The following ZNF765 variants were observed in gnomAD, a reference collection of about 807,000 sequenced individuals.
ZNF765 encodes zinc finger protein 765.
Under a neutral mutation model 44.7 loss-of-function variants are expected in ZNF765, and 37 were observed. The ratio of observed to expected loss-of-function variants is 0.83; its 90% confidence interval spans 0.64 to 1.09. ZNF765 has a LOEUF of 1.09. ZNF765 is among the 50% of genes least tolerant of loss of function. The pLI, the probability that ZNF765 is intolerant of heterozygous loss-of-function variation, is 0.00. For synonymous variants in ZNF765, 201 were observed against 213.7 expected (o/e 0.94, Z 0.52); for missense variants, 594 against 626.1 (o/e 0.95, Z 0.55).
downstream of ZNF765, among the ~76,000 whole-genome samples, chr19:53,415,797 G>C (rs888801392): frequency 1.3e-5 from 2 of 151,890 alleles, no homozygotes; most frequent in Admixed American, 1.3e-4. Context: ...TCTTTCTCCT[G>C]GTCCCCATAT....
rs368104876 is a variant in ZNF765, at chr19:53,396,659, C to T, written c.-73-1284C>T. 2.0e-5 allele frequency among the ~76,000 whole-genome samples: 3 copies of T among 152,114 alleles called. No homozygotes were observed. In the South Asian group the frequency reaches 6.2e-4, roughly 31 times the overall value. On this transcript the variant is annotated intron_variant, in intron 1 of 3. Coordinates refer to ENST00000396408, the MANE Select transcript of ZNF765 (RefSeq NM_001040185.3). ...CCTTTGGCTTCAGCTGCACAAAAAG[C>T]GTTATCTTATAACTGTCCTTGAAGT...
In ZNF765 at chr19:53,408,482, T is replaced by C. The variant is rs1192209578; in HGVS notation, c.927T>C (p.His309=). The C allele has an allele frequency of 6.2e-7, 1 of 1,613,852 alleles. No individual in the cohort carries two copies. Among genetic ancestry groups the C allele is most frequent in the Admixed American group, 1.7e-5 (1 of 59,996 alleles). Reference sequence around the variant, plus strand: ...GTGAAGAATGTGACAAAGCTTTCCATTTCAAATCAAAGCTTCAAATACATA... The same window carrying C: ...GTGAAGAATGTGACAAAGCTTTCCACTTCAAATCAAAGCTTCAAATACATA... ...YKCEECDKAF[H]FKSKLQIHRR... is the part of the protein sequence containing the mutation. The change falls in exon 4 of 4, where the codon CAT becomes CAC. Residue 309 remains histidine (H), a synonymous_variant. Coordinates refer to ENST00000396408, the MANE Select transcript of ZNF765 (RefSeq NM_001040185.3).
Position 53,402,194 on chromosome 19 carries a change from G to A in ZNF765, c.142+3G>A. On this transcript the variant is annotated splice_donor_region_variant and intron_variant, in intron 3 of 3. Coordinates refer to ENST00000396408, the MANE Select transcript of ZNF765 (RefSeq NM_001040185.3). ...TTATAGGAACCTGGTCTCCCTGGGT[G>A]AGGATGACTTCCCTCCTGGGGATGT... The A allele has an allele frequency of 1.2e-6, 2 of 1,612,970 alleles. No homozygotes were observed. The highest frequency in any genetic ancestry group is 1.7e-6 in the Non-Finnish European group (2 of 1,179,662).
intron 3 of ZNF765, among the ~76,000 whole-genome samples, chr19:53,405,927 AT>A: frequency 1.3e-5 from 1 of 77,222 alleles, no homozygotes; most frequent in East Asian, 8.6e-4. Context: ...ATATATATAT[AT>A]ATATATATAT....
intron 3 of ZNF765, among the ~76,000 whole-genome samples, chr19:53,419,719 TTAAAAA>T (rs1172497635): frequency 6.6e-6 from 1 of 152,068 alleles, no homozygotes; most frequent in Non-Finnish European, 1.5e-5. Flanking sequence ...TATTGGCCAA[TTAAAAA>T]TAAATAAATG....
chr19:53,417,100 G>A (rs1000472790), intron 3 of ZNF765, among the ~76,000 whole-genome samples: 1 of 152,166 alleles, frequency 6.6e-6, no homozygotes, highest in Non-Finnish European at 1.5e-5. Flanking sequence ...TTACAGACGT[G>A]AGCCACTATG....
In ZNF765 at chr19:53,410,010, A is replaced by G. The variant is rs778244063; in HGVS notation, c.*883A>G. 1.9e-6 allele frequency: 1 copy of G among 516,202 alleles called. No homozygotes were observed. The allele number at this position is 516,202 out of a possible 1,614,324, so 32.0% of individuals were successfully genotyped here. A position where few individuals can be genotyped will look rare whatever the true frequency, so the allele number is the denominator to read the frequency against. ...GAAGAGAGATCCTACAAGTGTGATA[A>G]ATGCAGAATAAATGCAGAAAATTTT... On this transcript the variant is annotated 3_prime_UTR_variant, in exon 4 of 4. Transcript: ENST00000396408.
chr19:53,408,470 C>G lies in ZNF765; in HGVS notation c.915C>G (p.Asp305Glu), dbSNP rs201842363. 6.0e-4 allele frequency: 976 copies of G among 1,613,814 alleles called. 1 individual carries two copies. The highest frequency in any genetic ancestry group is 7.9e-4 in the Non-Finnish European group (927 of 1,179,994). The change falls in exon 4 of 4, where the codon GAC becomes GAG. Residue 305 changes from aspartate to glutamate, a missense_variant. Asp to Glu is a conservative substitution (Grantham distance 45, BLOSUM62 2). Coordinates refer to ENST00000396408, the MANE Select transcript of ZNF765 (RefSeq NM_001040185.3). ...GEKPYKCEEC[D>E]KAFHFKSKLQ... ...AACCTTACAAATGTGAAGAATGTGA[C>G]AAAGCTTTCCATTTCAAATCAAAGC...
At chr19:53,395,790 A>G (rs1275363770) in intron 1 of ZNF765, among the ~76,000 whole-genome samples, 1 of 152,182 alleles carries the variant, frequency 6.6e-6, no homozygotes, top group Non-Finnish European at 1.5e-5. Context: ...AGCCCCTGGA[A>G]AATGCGCTCC....
chr19:53,403,037 T>G (rs2085743263), intron 3 of ZNF765, among the ~76,000 whole-genome samples: 1 of 151,836 alleles, frequency 6.6e-6, no homozygotes, highest in South Asian at 2.1e-4. Context: ...TAGCCAGGTG[T>G]GGTGGCACGT....
intron 2 of ZNF765, among the ~76,000 whole-genome samples, chr19:53,398,524 A>G (rs538267732): frequency 6.6e-5 from 10 of 152,296 alleles, no homozygotes; most frequent in African/African-American, 1.7e-4. Context: ...GACTCCAACT[A>G]TCTTACTAAT....
At chr19:53,414,115 C>T (rs1022973400), downstream of ZNF765, among the ~76,000 whole-genome samples, 1 of 151,436 alleles carries the variant, frequency 6.6e-6, no homozygotes, top group Admixed American at 6.6e-5. Context: ...GTGGCACATG[C>T]CTGTCATCCC....
chr19:53,402,737 TG>T (rs940915969), intron 3 of ZNF765, among the ~76,000 whole-genome samples: 1 of 152,140 alleles, frequency 6.6e-6, no homozygotes, highest in African/African-American at 2.4e-5. Flanking sequence ...TTTTTTAGTT[TG>T]TTTTTTTTCC....
chr19:53,401,885 A>G (rs1243518737), intron 2 of ZNF765, 180 bp from the exon 3 acceptor site: 1 of 1,539,078 alleles, frequency 6.5e-7, no homozygotes, highest in Non-Finnish European at 8.8e-7. Context: ...TTAAAAAAAA[A>G]AAAAAGAACT....
intron 3 of ZNF765, among the ~76,000 whole-genome samples, chr19:53,417,070 G>A (rs1315024599): frequency 1.3e-5 from 2 of 152,030 alleles, no homozygotes; most frequent in East Asian, 1.9e-4. Context: ...TGCCTACCTA[G>A]GCCTCCCAAA....
chr19:53,421,461 C>T (rs375235110), intron 3 of ZNF765, among the ~76,000 whole-genome samples: 2 of 152,210 alleles, frequency 1.3e-5, no homozygotes, highest in African/African-American at 4.8e-5. Context: ...GAAACATCCA[C>T]AGGTGTAGAG....
At chr19:53,413,494 T>C (rs2085848685), downstream of ZNF765, 2 of 361,704 alleles carry the variant, frequency 5.5e-6, no homozygotes, top group South Asian at 2.6e-5. Flanking sequence ...GTTAGGAACA[T>C]GTTGGTTGGC....
chr19:53,404,093 A>T (rs745683528), intron 3 of ZNF765, among the ~76,000 whole-genome samples: 4 of 152,062 alleles, frequency 2.6e-5, no homozygotes, highest in Non-Finnish European at 5.9e-5. Context: ...TTCTTTGTTG[A>T]TGAGATGAAG....
chr19:53,416,718 TTATA>T (rs1490940248), downstream of ZNF765, among the ~76,000 whole-genome samples: 6 of 151,608 alleles, frequency 4.0e-5, no homozygotes, highest in East Asian at 1.2e-3. Context: ...ATCAATATAA[TTATA>T]TAGTAATATA....
Sources: allele counts gnomAD v4.1 joint callset (sites outside exome capture counted in the v4.1 genomes callset), GRCh38; gene constraint gnomAD v4.1.1; transcripts MANE v1.5; gene names NCBI Gene and HGNC (gene_info 2026-07-23, HGNC 2026-07-21).